Variants in RIOX2 observed in about 807,000 individuals in gnomAD.
The protein encoded by RIOX2 is ribosomal oxygenase 2.
RIOX2 carries 43 observed loss-of-function variants against 51.2 expected under a neutral mutation model. The observed-to-expected ratio is 0.84, with a 90% CI of 0.66 to 1.08. RIOX2 has a LOEUF of 1.08. Ranked by LOEUF, RIOX2 falls within the 50% of genes least tolerant of loss-of-function variation. The pLI, the probability that RIOX2 is intolerant of heterozygous loss-of-function variation, is 0.00. For synonymous variants in RIOX2, 226 were observed against 218.5 expected (o/e 1.03, Z -0.30); for missense variants, 566 against 561.7 (o/e 1.01, Z -0.08).
chr3:97,945,019 C>CCGTT lies in RIOX2; in HGVS notation c.*161_*164dup, dbSNP rs2040321348. The CCGTT allele has an allele frequency of 1.0e-5, 5 of 488,500 alleles. No homozygotes were observed. The East Asian group carries it at 1.6e-4, about 16-fold the overall frequency. 30.3% of individuals were successfully genotyped at this position (488,500 alleles called of 1,614,324 possible). On this transcript the variant is annotated 3_prime_UTR_variant, in exon 10 of 10. Coordinates refer to ENST00000394198, the MANE Select transcript of RIOX2 (RefSeq NM_153182.4). ...ATTTGCTGTTCTTTCTTTCATGTGC[C>CCGTT]CGTTAGTACATTTGGCCAACTGACC...
intron 7 of RIOX2, among the ~76,000 whole-genome samples, 178 bp downstream of exon 7, chr3:97,949,666 T>C (rs1705163641): frequency 6.6e-6 from 1 of 152,014 alleles, no homozygotes; most frequent in Non-Finnish European, 1.5e-5. Context: ...AAGATACAGG[T>C]TGCTAAAGGT....
chr3:97,951,545 TG>T (rs1705250716), intron 5 of RIOX2, among the ~76,000 whole-genome samples: 1 of 152,224 alleles, frequency 6.6e-6, no homozygotes, highest in Admixed American at 6.5e-5. Flanking sequence ...TATCTGGAAT[TG>T]GCTCATTCCT....
At position 97,942,565 on chromosome 3, in the gene RIOX2, C is replaced by T. The variant is rs976094562; in HGVS notation, c.*2619G>A. 8.4e-6 allele frequency: 8 copies of T among 950,250 alleles called. No individual in the cohort carries two copies. Among genetic ancestry groups the T allele is most frequent in the Admixed American group, 2.7e-5 (1 of 36,666 alleles). The allele number at this position is 950,250 out of a possible 1,614,324, so 58.9% of individuals were successfully genotyped here. Reference sequence around the variant, plus strand: ...AAATGTTAAGTCATTTAAAATTATGCTTGAAGAAAATTAAGATAGGCAGTT... The same window carrying T: ...AAATGTTAAGTCATTTAAAATTATGTTTGAAGAAAATTAAGATAGGCAGTT... On this transcript the variant is annotated 3_prime_UTR_variant, in exon 10 of 10. Transcript: ENST00000394198.
chr3:97,955,798 A>T (rs1186253662), intron 4 of RIOX2, among the ~76,000 whole-genome samples: 1 of 152,198 alleles, frequency 6.6e-6, no homozygotes, highest in Non-Finnish European at 1.5e-5. Flanking sequence ...AAATCTAGGT[A>T]GTATAGTGTA....
intron 4 of RIOX2, among the ~76,000 whole-genome samples, chr3:97,955,071 C>T (rs1047792927): frequency 9.2e-5 from 14 of 152,104 alleles, no homozygotes; most frequent in African/African-American, 3.4e-4. Context: ...ATTTTATCCG[C>T]CAGTCCCCCA....
Position 97,970,195 on chromosome 3 carries a change from A to G in RIOX2, c.-40+2186T>C, listed in dbSNP as rs143213546. ...TGCAAAACACTTAAGCCAAAATAAA[A>G]TCACTTAAAAGAATCTTTCCCATCT... On this transcript the variant is annotated intron_variant, in intron 1 of 9. Transcript: ENST00000394198. Among the ~76,000 whole-genome samples, 883 of 152,360 alleles carry G rather than the reference A, an allele frequency of 5.8e-3. 13 individuals are homozygous for G. Among genetic ancestry groups the G allele is most frequent in the African/African-American group, 0.02 (813 of 41,590 alleles).
At position 97,954,447 on chromosome 3, in the gene RIOX2, T is replaced by C. The variant is rs1267774039; in HGVS notation, c.730A>G (p.Thr244Ala). 1 of 1,613,922 alleles carries C rather than the reference T, an allele frequency of 6.2e-7. No homozygotes were observed. The change falls in exon 5 of 10, where the codon ACT becomes GCT. Residue 244 changes from threonine to alanine, a missense_variant. Thr to Ala is a moderately conservative substitution (Grantham distance 58). Transcript: ENST00000394198. Reference protein sequence around the residue: ...FPRGTIHQADTPAGLAHSTHV... With the variant: ...FPRGTIHQADAPAGLAHSTHV... Reference sequence around the variant, plus strand: ...GTAGAGTGGGCCAGCCCCGCAGGAGTGTCCGCTTGATGAATGGTTCCTCTG... The same window carrying C: ...GTAGAGTGGGCCAGCCCCGCAGGAGCGTCCGCTTGATGAATGGTTCCTCTG...
At chr3:97,966,324 G>A (rs1374715085) in intron 2 of RIOX2, among the ~76,000 whole-genome samples, 1 of 152,170 alleles carries the variant, frequency 6.6e-6, no homozygotes, top group Non-Finnish European at 1.5e-5. Context: ...TTGATTTAAT[G>A]AAGGGTCACA....
Position 97,942,082 on chromosome 3 carries a change from T to G in RIOX2, c.*3102A>C. The G allele has an allele frequency of 2.7e-6, 1 of 377,282 alleles. No individual in the cohort carries two copies. Among genetic ancestry groups the G allele is most frequent in the Non-Finnish European group, 4.7e-6 (1 of 213,480 alleles). The allele number at this position is 377,282 out of a possible 1,614,324, so 23.4% of individuals were successfully genotyped here. ...AACAAGTACCTCTATTTCAGTTGGT[T>G]TATTTCTGTACCATCTCCTACCCAC... On this transcript the variant is annotated 3_prime_UTR_variant, in exon 10 of 10. Coordinates refer to ENST00000394198, the MANE Select transcript of RIOX2 (RefSeq NM_153182.4).
intron 5 of RIOX2, among the ~76,000 whole-genome samples, chr3:97,952,966 G>A (rs554956432): frequency 8.5e-5 from 13 of 152,240 alleles, no homozygotes; most frequent in African/African-American, 2.6e-4. Context: ...TCTTTTAAAT[G>A]TAGAGGTGAA....
In RIOX2 at chr3:97,943,180, C is replaced by A; in HGVS notation, c.*2004G>T. ...TTGTGAAAATTGTGAAATTGCTAAG[C>A]ACCTGCCTGAACAAATAATCTTTTC... On this transcript the variant is annotated 3_prime_UTR_variant, in exon 10 of 10. Coordinates refer to ENST00000394198, the MANE Select transcript of RIOX2 (RefSeq NM_153182.4). The A allele has an allele frequency of 9.3e-7, 1 of 1,074,106 alleles. No individual in the cohort carries two copies. Among genetic ancestry groups the A allele is most frequent in the Non-Finnish European group, 1.4e-6 (1 of 706,216 alleles). 66.5% of individuals were successfully genotyped at this position (1,074,106 alleles called of 1,614,324 possible).
intron 2 of RIOX2, among the ~76,000 whole-genome samples, chr3:97,964,708 AAAAAAAAAAAAAAG>A (rs1420601606): frequency 2.7e-5 from 4 of 146,340 alleles, no homozygotes; most frequent in Admixed American, 7.0e-5. Context: ...AAAAAAAAAA[AAAAAAAAAAAAAAG>A]AAGGAAAGAA....
At chr3:97,949,216 G>A (rs540294845) in intron 7 of RIOX2, among the ~76,000 whole-genome samples, 25 of 152,118 alleles carry the variant, frequency 1.6e-4, no homozygotes, top group East Asian at 9.7e-4. Flanking sequence ...GGTTGGGGGC[G>A]GTGAGTGACT....
intron 5 of RIOX2, among the ~76,000 whole-genome samples, chr3:97,952,933 C>A (rs1336754884): frequency 1.3e-5 from 2 of 152,086 alleles, no homozygotes; most frequent in East Asian, 3.9e-4. Context: ...TAGGGCCAGG[C>A]CTCAGCTAAT....
At chr3:97,962,477 G>T (rs913506443) in intron 2 of RIOX2, among the ~76,000 whole-genome samples, 1 of 148,674 alleles carries the variant, frequency 6.7e-6, no homozygotes, top group Non-Finnish European at 1.5e-5. Flanking sequence ...AAAGCAATGG[G>T]AACAGAAATG....
In RIOX2 at chr3:97,965,210, T is replaced by TAAAAA. The variant is rs10644219; in HGVS notation, c.432+1947_432+1951dup. ...TCCAGCACGGGTGGTACAAAGAGAT[T>TAAAAA]AAAAAAAAAAAAAAAAAAAGGCCCA... On this transcript the variant is annotated intron_variant, in intron 2 of 9. Transcript: ENST00000394198. 3.7e-4 allele frequency among the ~76,000 whole-genome samples: 42 copies of TAAAAA among 114,862 alleles called. 1 individual carries two copies. The highest frequency in any genetic ancestry group is 1.3e-3 in the African/African-American group (39 of 29,264). The allele number at this position is 114,862 out of a possible 152,430, so 75.4% of individuals were successfully genotyped here. A position where few individuals can be genotyped will look rare whatever the true frequency, so the allele number is the denominator to read the frequency against.
Position 97,947,341 on chromosome 3 carries a change from T to C in RIOX2, c.1149+20A>G. 1.0e-6 allele frequency: 1 copy of C among 1,000,382 alleles called. No homozygotes were observed. The allele number at this position is 1,000,382 out of a possible 1,614,324, so 62.0% of individuals were successfully genotyped here. On this transcript the variant is annotated intron_variant, in intron 8 of 9. Transcript: ENST00000394198. ...AAACACCCTGAGAAGACAGGAAATC[T>C]CCTCCTCTTGGATACTCACAGATTG... is the stretch of plus-strand genomic sequence containing the variant.
chr3:97,949,737 C>A, intron 7 of RIOX2, 107 bp downstream of exon 7: 1 of 1,015,690 alleles, frequency 9.8e-7, no homozygotes, highest in Admixed American at 2.3e-5. Context: ...CACATTAACA[C>A]GAAAGCACTT....
chr3:97,960,256 G>A (rs1170183787), intron 3 of RIOX2, among the ~76,000 whole-genome samples: 1 of 152,176 alleles, frequency 6.6e-6, no homozygotes, highest in Non-Finnish European at 1.5e-5. Flanking sequence ...ATTAAGGCCT[G>A]CAGCTGTGGC....
Sources: gnomAD v4.1 joint callset for allele counts (sites outside exome capture counted in the v4.1 genomes callset) on GRCh38, gnomAD v4.1.1 for gene constraint, MANE v1.5 for transcripts, NCBI Gene and HGNC (gene_info 2026-07-23, HGNC 2026-07-21) for gene names.